ANK3: variants seen among roughly 807,000 people sequenced by gnomAD.
ANK3 encodes the protein ankyrin-3.
A neutral mutation model predicts 370.9 loss-of-function variants in ANK3; 57 were observed. That is an observed-to-expected ratio of 0.15 (90% CI 0.12 to 0.19). The LOEUF (loss-of-function observed/expected upper bound fraction) is 0.19. Among genes scored for constraint, ANK3 ranks in the 10% least tolerant of loss-of-function variants. ANK3 has a pLI of 1.00. For missense variants in ANK3, 4,439 were observed against 5,302.1 expected, an observed-to-expected ratio of 0.84 and a Z score of 5.06; for synonymous variants, 1,929 against 1,946.3, an observed-to-expected ratio of 0.99 and a Z score of 0.23.
chr10:60,703,283 G>GT, intron 1 of ANK3, among the ~76,000 whole-genome samples: 1 of 152,276 alleles, frequency 6.6e-6, no homozygotes, highest in East Asian at 1.9e-4. Flanking sequence ...GTAAGGTTAG[G>GT]TTTTTGGGGT....
intron 2 of ANK3, among the ~76,000 whole-genome samples, chr10:60,501,956 T>A (rs749536125): frequency 5.9e-5 from 9 of 152,086 alleles, no homozygotes; most frequent in Non-Finnish European, 1.0e-4. Context: ...ACTGCACTCT[T>A]TAGCCTGGGT....
chr10:60,098,689 T>TA (rs2090616301), intron 28 of ANK3, among the ~76,000 whole-genome samples: 1 of 152,228 alleles, frequency 6.6e-6, no homozygotes, highest in Non-Finnish European at 1.5e-5. Context: ...TTTAAAATAA[T>TA]TATAAATTCA....
chr10:60,162,952 C>A (rs934516908), intron 23 of ANK3, among the ~76,000 whole-genome samples: 1 of 152,156 alleles, frequency 6.6e-6, no homozygotes, highest in African/African-American at 2.4e-5. Flanking sequence ...TACCCCCCTG[C>A]CCCAATTTAT....
At chr10:60,526,111 T>A (rs1366657400) in intron 2 of ANK3, among the ~76,000 whole-genome samples, 1 of 152,096 alleles carries the variant, frequency 6.6e-6, no homozygotes, top group Non-Finnish European at 1.5e-5. Context: ...ATGAAAGAAT[T>A]CCCCATCCTA....
chr10:60,363,089 AG>A (rs1326761770), intron 1 of ANK3, among the ~76,000 whole-genome samples: 1 of 1,820 alleles, frequency 5.5e-4, no homozygotes, highest in Non-Finnish European at 1.3e-3. Context: ...CGGGCGGGGG[AG>A]GGGGGCGGGG....
chr10:60,480,560 C>T (rs2075185301), intron 2 of ANK3, among the ~76,000 whole-genome samples: 1 of 152,110 alleles, frequency 6.6e-6, no homozygotes, highest in Non-Finnish European at 1.5e-5. Flanking sequence ...ATCTACCATT[C>T]AGTCATTCAG....
At chr10:60,713,140 C>G (rs2079733490) in intron 1 of ANK3, among the ~76,000 whole-genome samples, 1 of 152,150 alleles carries the variant, frequency 6.6e-6, no homozygotes, top group Admixed American at 6.5e-5. Context: ...CTTCATCTAA[C>G]AACAGCAGAA....
chr10:60,616,637 A>G (rs1042914799), intron 1 of ANK3, among the ~76,000 whole-genome samples: 3 of 151,584 alleles, frequency 2.0e-5, no homozygotes, highest in Non-Finnish European at 4.4e-5. Flanking sequence ...CACATCTAAC[A>G]TTGTAATAAT....
intron 39 of ANK3, among the ~76,000 whole-genome samples, chr10:60,063,687 A>C (rs1044742619): frequency 3.9e-5 from 6 of 152,202 alleles, no homozygotes; most frequent in Admixed American, 6.5e-5. Context: ...AAAATATAGG[A>C]CTACCACCCA....
chr10:60,650,115 C>G (rs563234508), intron 1 of ANK3, among the ~76,000 whole-genome samples: 10 of 152,300 alleles, frequency 6.6e-5, no homozygotes, highest in African/African-American at 1.9e-4. Context: ...ATCGAGTTAT[C>G]TGTTACACAG....
intron 2 of ANK3, among the ~76,000 whole-genome samples, chr10:60,527,350 C>T (rs2076497529): frequency 6.6e-6 from 1 of 152,002 alleles, no homozygotes; most frequent in East Asian, 1.9e-4. Flanking sequence ...CACTATGTAA[C>T]CATACGCAGG....
intron 28 of ANK3, among the ~76,000 whole-genome samples, chr10:60,091,216 T>G (rs2088296952): frequency 6.6e-6 from 1 of 152,200 alleles, no homozygotes; most frequent in African/African-American, 2.4e-5. Context: ...GCATTGCTTA[T>G]AAAGACTAAA....
Position 60,083,540 on chromosome 10 carries a change from A to T in ANK3, c.4152T>A (p.Val1384=). The T allele has an allele frequency of 6.2e-7, 1 of 1,612,082 alleles. No individual in the cohort carries two copies. The highest frequency in any genetic ancestry group is 1.1e-5 in the South Asian group (1 of 90,386). ...APLTKGGQQL[V]FNFYSFKENR... Reference sequence around the variant, plus strand: ...TTTCTTTGAAAGAATAAAAGTTAAAAACAAGTTGCTGTCCTCCTTTGGTAA... The same window carrying T: ...TTTCTTTGAAAGAATAAAAGTTAAATACAAGTTGCTGTCCTCCTTTGGTAA... The change falls in exon 33 of 44, where the codon GTT becomes GTA. Residue 1384 remains valine (V), a synonymous_variant. Transcript: ENST00000280772.
chr10:60,390,271 C>T (rs924114391), upstream of ANK3, among the ~76,000 whole-genome samples: 8 of 152,140 alleles, frequency 5.3e-5, no homozygotes, highest in African/African-American at 1.9e-4. Context: ...TACAGAAGGG[C>T]TTGTTGTCTT....
At chr10:60,270,994 T>C (rs1055302001) in intron 4 of ANK3, among the ~76,000 whole-genome samples, 5 of 152,156 alleles carry the variant, frequency 3.3e-5, no homozygotes, top group African/African-American at 1.2e-4. Context: ...CTCTGAAATG[T>C]GCATCAACTC....
At chr10:60,201,671 T>C (rs1276458929) in intron 12 of ANK3, among the ~76,000 whole-genome samples, 1 of 151,704 alleles carries the variant, frequency 6.6e-6, no homozygotes, top group Non-Finnish European at 1.5e-5. Context: ...TGAAGCACAT[T>C]AAAGAGAGAC....
chr10:60,469,077 A>ATATATATATACCACTTTTAG (rs2133074384), intron 2 of ANK3, among the ~76,000 whole-genome samples: 1 of 77,976 alleles, frequency 1.3e-5, no homozygotes, highest in African/African-American at 4.8e-5. Context: ...ATATATATAT[A>ATATATATATACCACTTTTAG]TATATATATA....
chr10:60,454,696 T>C (rs2064701771), intron 2 of ANK3, among the ~76,000 whole-genome samples: 1 of 152,168 alleles, frequency 6.6e-6, no homozygotes, highest in African/African-American at 2.4e-5. Flanking sequence ...TCAATTTGAC[T>C]CTACCTGCAA....
chr10:60,451,175 G>C (rs1684182718), intron 2 of ANK3, among the ~76,000 whole-genome samples: 1 of 152,172 alleles, frequency 6.6e-6, no homozygotes, highest in Non-Finnish European at 1.5e-5. Flanking sequence ...AGCTAGAGGA[G>C]AGGCATGAAA....
Sources: gnomAD v4.1 joint callset for allele counts (sites outside exome capture counted in the v4.1 genomes callset) on GRCh38, gnomAD v4.1.1 for gene constraint, MANE v1.5 for transcripts, NCBI Gene and HGNC (gene_info 2026-07-23, HGNC 2026-07-21) for gene names.